The following DLGAP2 variants were observed in gnomAD, a reference collection of about 807,000 sequenced individuals.
DLGAP2 encodes the protein disks large-associated protein 2.
In DLGAP2, 26 loss-of-function variants were observed where a neutral mutation model predicts 100.3. The observed-to-expected ratio is 0.26, with a 90% confidence interval of 0.19 to 0.36. DLGAP2 has a LOEUF of 0.36. Ranked by LOEUF, DLGAP2 falls within the 10% of genes least tolerant of loss-of-function variation. DLGAP2 has a pLI of 1.00. For synonymous variants in DLGAP2, 886 were observed against 630.1 expected (o/e 1.41, Z -6.08); for missense variants, 1,858 against 1,453.2 (o/e 1.28, Z -4.53).
intron 8 of DLGAP2, among the ~76,000 whole-genome samples, chr8:1,636,112 C>T (rs1021939859): frequency 3.3e-5 from 5 of 152,244 alleles, no homozygotes; most frequent in African/African-American, 1.2e-4. Context: ...ACTCATTTCA[C>T]ACATGGTTTC....
At chr8:1,241,516 G>C (rs1299514891) in intron 2 of DLGAP2, among the ~76,000 whole-genome samples, 1 of 152,230 alleles carries the variant, frequency 6.6e-6, no homozygotes, top group African/African-American at 2.4e-5. Context: ...TATACGGGTA[G>C]TAGCCCTACA....
At chr8:1,234,782 C>G (rs1256217903) in intron 2 of DLGAP2, among the ~76,000 whole-genome samples, 1 of 152,190 alleles carries the variant, frequency 6.6e-6, no homozygotes, top group Non-Finnish European at 1.5e-5. Flanking sequence ...CTGCCTTGCG[C>G]AACTGGGGCC....
chr8:867,402 G>C (rs559408784), intron 1 of DLGAP2, among the ~76,000 whole-genome samples: 1 of 152,208 alleles, frequency 6.6e-6, no homozygotes, highest in South Asian at 2.1e-4. Flanking sequence ...AGGAAGCCTG[G>C]TTGGAGGAGG....
chr8:1,188,833 T>A (rs1563241211), intron 2 of DLGAP2, among the ~76,000 whole-genome samples: 2 of 151,710 alleles, frequency 1.3e-5, no homozygotes, highest in Admixed American at 6.6e-5. Flanking sequence ...TGCCTTTTTT[T>A]AGGAAACAAT....
intron 1 of DLGAP2, among the ~76,000 whole-genome samples, chr8:890,157 G>A (rs762079933): frequency 1.2e-4 from 19 of 152,066 alleles, no homozygotes; most frequent in Admixed American, 2.0e-4. Context: ...GTTTTTTTCC[G>A]ATGGGAGCCT....
intron 4 of DLGAP2, among the ~76,000 whole-genome samples, chr8:1,503,881 C>G (rs934304153): frequency 1.3e-5 from 2 of 152,018 alleles, no homozygotes; most frequent in Non-Finnish European, 2.9e-5. Flanking sequence ...TGGGGTGGTA[C>G]GTGGGTGGAG....
intron 6 of DLGAP2, among the ~76,000 whole-genome samples, chr8:1,566,954 G>T (rs1011009042): frequency 1.3e-5 from 2 of 152,216 alleles, no homozygotes; most frequent in Admixed American, 1.3e-4. Flanking sequence ...AGACCGGGCC[G>T]CATGTCTGCC....
intron 5 of DLGAP2, among the ~76,000 whole-genome samples, chr8:1,557,035 G>C (rs1019647819): frequency 6.6e-6 from 1 of 151,802 alleles, no homozygotes; most frequent in Non-Finnish European, 1.5e-5. Flanking sequence ...AGCTCAGCAC[G>C]GGGGTGGGGG....
At chr8:945,868 T>A (rs368371510) in intron 2 of DLGAP2, among the ~76,000 whole-genome samples, 8 of 152,204 alleles carry the variant, frequency 5.3e-5, no homozygotes, top group African/African-American at 1.9e-4. Context: ...ACATTAATGT[T>A]GTTTTGTCTG....
chr8:1,322,418 G>T (rs1429502937), intron 3 of DLGAP2, among the ~76,000 whole-genome samples: 1 of 151,306 alleles, frequency 6.6e-6, no homozygotes, highest in African/African-American at 2.4e-5. Flanking sequence ...CGGCGTGCTG[G>T]ATCCTGCTTC....
At chr8:1,226,501 A>T (rs1798418798) in intron 2 of DLGAP2, among the ~76,000 whole-genome samples, 1 of 152,306 alleles carries the variant, frequency 6.6e-6, no homozygotes, top group African/African-American at 2.4e-5. Context: ...GAGCATCAGG[A>T]TAAATAGCTA....
chr8:1,528,201 CT>C (rs1800861127), intron 4 of DLGAP2, among the ~76,000 whole-genome samples: 1 of 152,178 alleles, frequency 6.6e-6, no homozygotes, highest in African/African-American at 2.4e-5. Flanking sequence ...GCTGGAACAG[CT>C]GCCCCGAGGC....
At chr8:1,541,883 T>C (rs1801371626) in intron 4 of DLGAP2, among the ~76,000 whole-genome samples, 1 of 152,244 alleles carries the variant, frequency 6.6e-6, no homozygotes, top group African/African-American at 2.4e-5. Context: ...ATGGAATGTC[T>C]ACTGACTCCA....
chr8:1,518,480 G>C (rs1053927261), intron 4 of DLGAP2, among the ~76,000 whole-genome samples: 1 of 152,176 alleles, frequency 6.6e-6, no homozygotes, highest in East Asian at 1.9e-4. Context: ...GAACAAAGCT[G>C]ACATTTATAT....
intron 3 of DLGAP2, among the ~76,000 whole-genome samples, chr8:1,409,353 C>G (rs1796664893): frequency 6.6e-6 from 1 of 152,164 alleles, no homozygotes; most frequent in Non-Finnish European, 1.5e-5. Context: ...GACCACTGCC[C>G]AACTCCTTCC....
At chr8:1,024,753 C>T (rs982612502) in intron 2 of DLGAP2, among the ~76,000 whole-genome samples, 1 of 152,192 alleles carries the variant, frequency 6.6e-6, no homozygotes. Flanking sequence ...GTAGGGTCCT[C>T]TGGGTGAAAC....
chr8:1,599,990 G>C, intron 6 of DLGAP2, among the ~76,000 whole-genome samples: 1 of 152,154 alleles, frequency 6.6e-6, no homozygotes, highest in Non-Finnish European at 1.5e-5. Flanking sequence ...AATTTGGTAT[G>C]TTTTTGCAGT....
intron 2 of DLGAP2, among the ~76,000 whole-genome samples, chr8:966,641 A>G (rs907547708): frequency 1.5e-5 from 2 of 131,830 alleles, no homozygotes; most frequent in Non-Finnish European, 3.5e-5. Flanking sequence ...TTTTCCCTCT[A>G]ACAAAATGTG....
rs150993835 is a variant in DLGAP2 at position 1,462,579 on chromosome 8, T to C, written c.107-38787T>C. ...CGGTGTTCAGGTTGGGAGAAGGTGC[T>C]GCTGTCACGGGACTGTGGCTACCTT... On this transcript the variant is annotated intron_variant, in intron 3 of 14. Transcript: ENST00000637795. 4.0e-3 allele frequency among the ~76,000 whole-genome samples: 613 copies of C among 152,232 alleles called. 4 individuals carry two copies. The highest frequency in any genetic ancestry group is 0.014 in the African/African-American group (571 of 41,536).
Sources: gnomAD v4.1 joint callset for allele counts (sites outside exome capture counted in the v4.1 genomes callset) on GRCh38, gnomAD v4.1.1 for gene constraint, MANE v1.5 for transcripts, NCBI Gene and HGNC (gene_info 2026-07-23, HGNC 2026-07-21) for gene names.